Variants in CTDSPL2 observed in about 807,000 individuals in gnomAD.
The protein encoded by CTDSPL2 is CTD small phosphatase like 2.
Under a neutral mutation model 60.0 loss-of-function variants are expected in CTDSPL2, and 5 were observed. The ratio of observed to expected loss-of-function variants is 0.08; its 90% CI spans 0.04 to 0.18. CTDSPL2 has a LOEUF of 0.18. Among genes scored for constraint, CTDSPL2 ranks in the 10% least tolerant of loss-of-function variants. The pLI is 1.00. For synonymous variants in CTDSPL2, 186 were observed against 189.3 expected (o/e 0.98, Z 0.14); for missense variants, 370 against 548.8 (o/e 0.67, Z 3.26).
chr15:44,475,117 A>G (rs1377717548), intron 2 of CTDSPL2, among the ~76,000 whole-genome samples: 1 of 152,062 alleles, frequency 6.6e-6, no homozygotes, highest in Non-Finnish European at 1.5e-5. Context: ...AAGTCCGGCC[A>G]CATTAATAAG....
intron 2 of CTDSPL2, among the ~76,000 whole-genome samples, chr15:44,467,583 A>T (rs912038559): frequency 6.6e-5 from 10 of 150,982 alleles, no homozygotes; most frequent in African/African-American, 1.7e-4. Context: ...TATTTATTTT[A>T]TTTTTTTTGA....
intron 2 of CTDSPL2, among the ~76,000 whole-genome samples, chr15:44,469,984 G>C (rs1177070841): frequency 1.3e-5 from 2 of 151,536 alleles, no homozygotes; most frequent in Non-Finnish European, 2.9e-5. Flanking sequence ...TGTGGTCCCA[G>C]CTACTTGGGA....
In CTDSPL2 at chr15:44,477,601, C is replaced by T. The variant is rs568552427; in HGVS notation, c.187-6623C>T. Among the ~76,000 whole-genome samples the T allele has an allele frequency of 6.6e-5, 10 of 151,980 alleles. No individual in the cohort carries two copies. The South Asian group carries it at 1.2e-3, about 19-fold the overall frequency. Reference sequence around the variant, plus strand: ...CCTGTAATCCCACCACTTTGGGAGGCCAAGGTGGGCAGATCACCTGAGGTC... The same window carrying T: ...CCTGTAATCCCACCACTTTGGGAGGTCAAGGTGGGCAGATCACCTGAGGTC... On this transcript the variant is annotated intron_variant, in intron 2 of 12. Transcript: ENST00000260327.
chr15:44,448,119 T>C (rs754821916), intron 1 of CTDSPL2: 4 of 253,984 alleles, frequency 1.6e-5, no homozygotes, highest in Middle Eastern at 9.7e-4. Flanking sequence ...CCCCCATACC[T>C]GCAGGAACCA....
intron 1 of CTDSPL2, among the ~76,000 whole-genome samples, chr15:44,435,170 T>C (rs769806999): frequency 6.6e-6 from 1 of 150,530 alleles, no homozygotes; most frequent in Non-Finnish European, 1.5e-5. Flanking sequence ...GGCAGGAGAA[T>C]TGCATGAACC....
chr15:44,448,433 C>T lies in CTDSPL2; in HGVS notation c.-24-10558C>T, dbSNP rs371736236. On this transcript the variant is annotated intron_variant, in intron 1 of 12. Transcript: ENST00000260327. ...TGGCCCAGGCCTGGACTCATGCATT[C>T]CATGCTGGCACCCCCAGTGTAGTCA... 15 of 241,354 alleles carry T rather than the reference C, an allele frequency of 6.2e-5. No homozygotes were observed. In the East Asian group the frequency reaches 8.2e-4, roughly 13 times the overall value. The allele number at this position is 241,354 out of a possible 1,614,324, so 15.0% of individuals were successfully genotyped here. A position where few individuals can be genotyped will look rare whatever the true frequency, so the allele number is the denominator to read the frequency against.
intron 8 of CTDSPL2, among the ~76,000 whole-genome samples, chr15:44,511,867 C>CAAAAAAAAAA (rs68063380): frequency 2.0e-4 from 6 of 30,624 alleles, no homozygotes; most frequent in Admixed American, 4.6e-4. Context: ...GACGGTCTCG[C>CAAAAAAAAAA]AAAAAAAAAA....
At chr15:44,490,714 GA>G (rs2081199004) in intron 4 of CTDSPL2, 69 bp from the exon 5 acceptor site, 1 of 1,099,008 alleles carries the variant, frequency 9.1e-7, no homozygotes, top group African/African-American at 1.6e-5. Flanking sequence ...ATTGTACGGT[GA>G]TGCTGCATTT....
intron 2 of CTDSPL2, among the ~76,000 whole-genome samples, chr15:44,479,076 AC>A (rs1371723834): frequency 1.3e-5 from 2 of 149,232 alleles, no homozygotes; most frequent in African/African-American, 5.0e-5. Flanking sequence ...AAACAAACAA[AC>A]AAAAAAAAAA....
Position 44,526,143 on chromosome 15 carries a change from T to C in CTDSPL2, c.*1969T>C, listed in dbSNP as rs1263048100. 2.6e-5 allele frequency: 4 copies of C among 152,194 alleles called. No individual in the cohort carries two copies. The highest frequency in any genetic ancestry group is 5.9e-5 in the Non-Finnish European group (4 of 68,002). 9.4% of individuals were successfully genotyped at this position (152,194 alleles called of 1,614,324 possible). On this transcript the variant is annotated 3_prime_UTR_variant, in exon 13 of 13. Coordinates refer to ENST00000260327, the MANE Select transcript of CTDSPL2 (RefSeq NM_016396.3). ...GGGCATCTTTATGCTGTTTGTCTTC[T>C]GTCTTTCTTGAAATAAAATGTACAT...
At chr15:44,516,553 C>T (rs1167508868) in intron 10 of CTDSPL2, 1 of 152,202 alleles carries the variant, frequency 6.6e-6, no homozygotes, top group Non-Finnish European at 1.5e-5. Context: ...AATTTTACCT[C>T]ACTTTACTAA....
chr15:44,521,964 CATGATG>C (rs372125991), intron 12 of CTDSPL2, among the ~76,000 whole-genome samples: 954 of 57,824 alleles, frequency 0.016, 5 homozygotes, highest in Non-Finnish European at 0.024. Flanking sequence ...AAAAAAAAAA[CATGATG>C]ATGATGATGA....
intron 1 of CTDSPL2, among the ~76,000 whole-genome samples, chr15:44,458,424 G>A (rs1295818538): frequency 1.3e-5 from 2 of 152,210 alleles, no homozygotes; most frequent in Admixed American, 6.5e-5. Context: ...ATCATTAAAT[G>A]TGGTAAGATA....
intron 1 of CTDSPL2, chr15:44,448,519 C>T: frequency 3.7e-6 from 1 of 266,772 alleles, no homozygotes; most frequent in South Asian, 4.9e-5. Context: ...TTCCTCTCTG[C>T]TTTGTAGTGA....
At chr15:44,523,447 A>C (rs566965896) in intron 12 of CTDSPL2, among the ~76,000 whole-genome samples, 3 of 146,722 alleles carry the variant, frequency 2.0e-5, no homozygotes, top group African/African-American at 7.6e-5. Context: ...TACATACATA[A>C]GCAAGCAAGC....
At chr15:44,516,824 C>T (rs2081661394) in intron 10 of CTDSPL2, 1 of 150,464 alleles carries the variant, frequency 6.6e-6, no homozygotes, top group African/African-American at 2.5e-5. Flanking sequence ...AAATCTGAAA[C>T]AAAAGCTTGT....
At chr15:44,445,537 C>G (rs2080192425) in intron 1 of CTDSPL2, among the ~76,000 whole-genome samples, 2 of 151,974 alleles carry the variant, frequency 1.3e-5, no homozygotes, top group African/African-American at 4.8e-5. Context: ...TAACTATGTA[C>G]ATAGGAGCTG....
intron 1 of CTDSPL2, among the ~76,000 whole-genome samples, chr15:44,453,839 G>T (rs1244523296): frequency 6.6e-6 from 1 of 152,014 alleles, no homozygotes; most frequent in Non-Finnish European, 1.5e-5. Context: ...TGGACATTTG[G>T]GTTGGTTCCA....
chr15:44,457,303 CAT>C (rs2080467839), intron 1 of CTDSPL2, among the ~76,000 whole-genome samples: 1 of 152,238 alleles, frequency 6.6e-6, no homozygotes, highest in Non-Finnish European at 1.5e-5. Context: ...CATCAGTGGA[CAT>C]AGTGAGATCT....
Sources: allele counts gnomAD v4.1 joint callset (sites outside exome capture counted in the v4.1 genomes callset), GRCh38; gene constraint gnomAD v4.1.1; transcripts MANE v1.5; gene names NCBI Gene and HGNC (gene_info 2026-07-23, HGNC 2026-07-21).